Variants in CCDC136 observed in about 807,000 individuals in gnomAD.
CCDC136 encodes coiled-coil domain containing 136.
CCDC136 carries 100 observed loss-of-function variants against 141.2 expected under a neutral mutation model. The ratio of observed to expected loss-of-function variants is 0.71; its 90% CI spans 0.60 to 0.84. The LOEUF (loss-of-function observed/expected upper bound fraction) is 0.84. Ranked by LOEUF, CCDC136 falls within the 40% of genes least tolerant of loss-of-function variation. CCDC136 has a pLI of 0.00. For synonymous variants in CCDC136, 474 were observed against 531.9 expected (o/e 0.89, Z 1.50); for missense variants, 1,206 against 1,379.4 (o/e 0.87, Z 1.99).
intron 10 of CCDC136, among the ~76,000 whole-genome samples, chr7:128,808,097 C>A (rs1161354524): frequency 6.6e-6 from 1 of 152,210 alleles, no homozygotes; most frequent in Non-Finnish European, 1.5e-5. Flanking sequence ...TGTGCAGTGA[C>A]ACGATCTCAG....
At position 128,821,042 on chromosome 7, in the gene CCDC136, C is replaced by A. The variant is rs1456026003; in HGVS notation, c.*6-757C>A. ...GTAATAAAAATAAAACCTATTTCCC[C>A]AAGTATGTATTTTCTTGTCTAAGAT... is the stretch of plus-strand genomic sequence containing the variant. On this transcript the variant is annotated intron_variant, in intron 17 of 17. Coordinates refer to ENST00000297788, the MANE Select transcript of CCDC136 (RefSeq NM_022742.5). The surrounding 1 kb of genome is among the most constrained non-coding windows in gnomAD (Gnocchi z 5.1). Among the ~76,000 whole-genome samples, 1 of 152,148 alleles carries A rather than the reference C, an allele frequency of 6.6e-6. No homozygotes were observed. Among genetic ancestry groups the A allele is most frequent in the Non-Finnish European group, 1.5e-5 (1 of 68,024 alleles).
intron 3 of CCDC136, among the ~76,000 whole-genome samples, chr7:128,797,842 C>T (rs574392762): frequency 4.7e-5 from 7 of 150,494 alleles, no homozygotes; most frequent in Admixed American, 2.0e-4. Context: ...GGAGAAGGAA[C>T]GTTCCTCCAT....
At chr7:128,798,132 T>C (rs1250003489) in intron 3 of CCDC136, among the ~76,000 whole-genome samples, 5 of 149,258 alleles carry the variant, frequency 3.3e-5, no homozygotes, top group South Asian at 2.1e-4. Context: ...TTAGCCAGGA[T>C]GGTCTCGATC....
Position 128,817,707 on chromosome 7 carries a change from C to T in CCDC136, c.3364-51C>T. 1 of 1,235,774 alleles carries T rather than the reference C, an allele frequency of 8.1e-7. No individual in the cohort carries two copies. The highest frequency in any genetic ancestry group is 1.2e-6 in the Non-Finnish European group (1 of 834,624). 76.6% of individuals were successfully genotyped at this position (1,235,774 alleles called of 1,614,324 possible). On this transcript the variant is annotated intron_variant, in intron 16 of 17. Transcript: ENST00000297788. The surrounding 1 kb of genome is among the most constrained non-coding windows in gnomAD (Gnocchi z 4.6). ...CTGTTGGATCCATGCGTTTATGTCT[C>T]ACATCTCCTGGTCTCTCCTCGTGCT...
Position 128,812,235 on chromosome 7 carries a change from A to G in CCDC136, c.2464A>G (p.Ser822Gly). The G allele has an allele frequency of 1.9e-6, 3 of 1,613,932 alleles. No individual in the cohort carries two copies. The highest frequency in any genetic ancestry group is 2.5e-6 in the Non-Finnish European group (3 of 1,179,832). ...CTATAAGAAGAGTTACGGCAGCACC[A>G]GTAGCTCTGACACCTGCCAGAAGAG... The part of the protein sequence containing the change: ...ITYKKSYGST[S>G]SSDTCQKSFV... The change falls in exon 13 of 18, where the codon AGT becomes GGT. Residue 822 changes from serine (S) to glycine (G), a missense_variant. Ser to Gly is a moderately conservative substitution (Grantham distance 56). Transcript: ENST00000297788.
chr7:128,803,611 C>G (rs1408696594), intron 4 of CCDC136, among the ~76,000 whole-genome samples: 1 of 152,088 alleles, frequency 6.6e-6, no homozygotes, highest in East Asian at 1.9e-4. Context: ...CATGACTGTG[C>G]CACTGCACTC....
At position 128,814,812 on chromosome 7, in the gene CCDC136, G is replaced by A. The variant is rs61730174; in HGVS notation, c.2938G>A (p.Gly980Arg). The change falls in exon 15 of 18, where the codon GGG becomes AGG. Residue 980 changes from glycine to arginine, a missense_variant. Physicochemically the swap from Gly to Arg is moderately radical, Grantham distance 125. Transcript: ENST00000297788. ...GCCTTCTGTTGTCAAAGAAGCCCGG[G>A]GGAAGAATGCTAATAAGAACATGAA... ...KRPSVVKEARGKNANKNMNKN... is the reference protein window; with the variant it reads ...KRPSVVKEARRKNANKNMNKN... The A allele has an allele frequency of 4.5e-3, 7,289 of 1,611,924 alleles. 151 individuals are homozygous for A. Among genetic ancestry groups the A allele is most frequent in the East Asian group, 0.043 (1,928 of 44,824 alleles).
chr7:128,813,216 T>C (rs564267251), intron 14 of CCDC136, among the ~76,000 whole-genome samples: 1 of 152,346 alleles, frequency 6.6e-6, no homozygotes, highest in Admixed American at 6.5e-5. Flanking sequence ...TATTTTTGCA[T>C]TTGCCAATCT....
In CCDC136 at chr7:128,805,640, G is replaced by A. The variant is rs1362647778; in HGVS notation, c.948+116G>A. 4.3e-5 allele frequency: 66 copies of A among 1,527,120 alleles called. No homozygotes were observed. The South Asian group carries it at 7.4e-4, about 17-fold the overall frequency. The allele number at this position is 1,527,120 out of a possible 1,614,324, so 94.6% of individuals were successfully genotyped here. A position where few individuals can be genotyped will look rare whatever the true frequency, so the allele number is the denominator to read the frequency against. On this transcript the variant is annotated intron_variant, in intron 6 of 17. Coordinates refer to ENST00000297788, the MANE Select transcript of CCDC136 (RefSeq NM_022742.5). This position sits in a 1 kb window ranked among gnomAD's most constrained non-coding sequence, Gnocchi z 4.6. ...CACTGTGGAGGGAGATAGTACTCTG[G>A]GGTCTCACTTGCCTGATGTAAATCT...
chr7:128,801,547 G>A, intron 4 of CCDC136, 38 bp downstream of exon 4: 1 of 1,374,514 alleles, frequency 7.3e-7, no homozygotes, highest in Non-Finnish European at 1.0e-6. Context: ...AAGTCAAGCA[G>A]AGGAAAGGAG....
chr7:128,816,934 G>C (rs1204265580), intron 16 of CCDC136, among the ~76,000 whole-genome samples: 1 of 152,156 alleles, frequency 6.6e-6, no homozygotes, highest in Non-Finnish European at 1.5e-5. Context: ...CTTACCTTGT[G>C]CCAGGGGACC....
chr7:128,814,977 A>C, intron 15 of CCDC136, 58 bp downstream of exon 15: 1 of 1,388,414 alleles, frequency 7.2e-7, no homozygotes, highest in Non-Finnish European at 9.7e-7. Flanking sequence ...CCTGGGAAGA[A>C]GCATTGCCTC....
At position 128,822,049 on chromosome 7, in the gene CCDC136, G is replaced by C. The variant is rs960538557; in HGVS notation, c.*256G>C. 2 of 1,196,322 alleles carry C rather than the reference G, an allele frequency of 1.7e-6. No homozygotes were observed. Among genetic ancestry groups the C allele is most frequent in the South Asian group, 1.5e-5 (1 of 65,960 alleles). 74.1% of individuals were successfully genotyped at this position (1,196,322 alleles called of 1,614,324 possible). A position where few individuals can be genotyped will look rare whatever the true frequency, so the allele number is the denominator to read the frequency against. ...AGCCTCAGTCACCCAGGCTGAAAAG[G>C]CTTGTGGGGAGCGGCTGACTTCCAT... On this transcript the variant is annotated 3_prime_UTR_variant, in exon 18 of 18. Coordinates refer to ENST00000297788, the MANE Select transcript of CCDC136 (RefSeq NM_022742.5).
Position 128,812,167 on chromosome 7 carries a change from C to T in CCDC136, c.2396C>T (p.Ala799Val), listed in dbSNP as rs368815709. 6.8e-6 allele frequency: 11 copies of T among 1,613,864 alleles called. 1 individual carries two copies. The African/African-American group carries it at 1.1e-4, about 16-fold the overall frequency. Reference protein sequence around the residue: ...SYDSSTSASEAYGKSYCTTSN... With the variant: ...SYDSSTSASEVYGKSYCTTSN... ...GACAGCAGCACCAGTGCCAGTGAGGCCTATGGGAAGAGTTACTGCACTACC... is the reference window on the plus strand; with the variant it reads ...GACAGCAGCACCAGTGCCAGTGAGGTCTATGGGAAGAGTTACTGCACTACC... The change falls in exon 13 of 18, where the codon GCC (alanine) becomes GTC (valine). Residue 799 changes from alanine (A) to valine (V), a missense_variant. Physicochemically the swap from Ala to Val is moderately conservative, Grantham distance 64 (BLOSUM62 0). Transcript: ENST00000297788.
At position 128,794,286 on chromosome 7, in the gene CCDC136, C is replaced by A; in HGVS notation, c.17-62C>A. 1 of 1,550,646 alleles carries A rather than the reference C, an allele frequency of 6.4e-7. No individual in the cohort carries two copies. On this transcript the variant is annotated intron_variant, in intron 1 of 17. Coordinates refer to ENST00000297788, the MANE Select transcript of CCDC136 (RefSeq NM_022742.5). This position sits in a 1 kb window ranked among gnomAD's most constrained non-coding sequence, Gnocchi z 4.3. ...CCCTGGCATAGTGAGTTTGAGGGCC[C>A]TGGAAGGACGGCAGAAAGGAAGTTG...
chr7:128,810,495 T>C (rs925619645), intron 12 of CCDC136, 129 bp downstream of exon 12: 2 of 655,230 alleles, frequency 3.1e-6, no homozygotes, highest in Non-Finnish European at 5.2e-6. Context: ...GCAAAAGCCC[T>C]GCCTTTCACC....
chr7:128,794,376 G>GGAGGAA lies in CCDC136; in HGVS notation c.63_68dup (p.Glu25_Glu26dup), dbSNP rs539120350. ...AGGTGTTACTCCCAGCTCTCTATGA[G>GGAGGAA]GAGGAAGAGGAAGAGGAAGAGGAGG... On this transcript the variant is annotated inframe_insertion, in exon 2 of 18. Transcript: ENST00000297788. The surrounding 1 kb of genome is among the most constrained non-coding windows in gnomAD (Gnocchi z 4.3). 37 of 1,554,308 alleles carry GGAGGAA rather than the reference G, an allele frequency of 2.4e-5. No individual in the cohort carries two copies. The highest frequency in any genetic ancestry group is 8.3e-5 in the South Asian group (7 of 84,142).
rs371882621 is a variant in CCDC136 at position 128,796,342 on chromosome 7, G to A, written c.346+1574G>A. On this transcript the variant is annotated intron_variant, in intron 3 of 17. Transcript: ENST00000297788. ...GGCAGAAGCAACAGCAACTGCAAAG[G>A]CCCAGAGGTGAGAATGAGCTTCATT... Among the ~76,000 whole-genome samples, 27 of 152,252 alleles carry A rather than the reference G, an allele frequency of 1.8e-4. No homozygotes were observed. The East Asian group carries it at 4.4e-3, about 25-fold the overall frequency.
In CCDC136 at chr7:128,821,274, C is replaced by T. The variant is rs550152373; in HGVS notation, c.*6-525C>T. 6.6e-6 allele frequency among the ~76,000 whole-genome samples: 1 copy of T among 152,258 alleles called. No individual in the cohort carries two copies. Among genetic ancestry groups the T allele is most frequent in the South Asian group, 2.1e-4 (1 of 4,816 alleles). The stretch of plus-strand genomic sequence containing the variant: ...CAGGTTTCCTTAAATTTCCTTGAAC[C>T]AATGTCATTCTCTGTCAAAGTTTGT... On this transcript the variant is annotated intron_variant, in intron 17 of 17. Transcript: ENST00000297788. This position sits in a 1 kb window ranked among gnomAD's most constrained non-coding sequence, Gnocchi z 5.1.
Sources: gnomAD v4.1 joint callset for allele counts (sites outside exome capture counted in the v4.1 genomes callset) on GRCh38, gnomAD v4.1.1 for gene constraint, Gnocchi (gnomAD v3.1) non-coding constraint, MANE v1.5 for transcripts, NCBI Gene and HGNC (gene_info 2026-07-23, HGNC 2026-07-21) for gene names.